WASF3: variants seen among roughly 807,000 people sequenced by gnomAD.
The protein encoded by WASF3 is actin-binding protein WASF3.
Under a neutral mutation model 46.6 loss-of-function variants are expected in WASF3, and 11 were observed. The ratio of observed to expected loss-of-function variants is 0.24; its 90% CI spans 0.15 to 0.39. The LOEUF (loss-of-function observed/expected upper bound fraction) is 0.39. Among genes scored for constraint, WASF3 ranks in the 10% least tolerant of loss-of-function variants. WASF3 has a pLI of 1.00. For missense variants in WASF3, 576 were observed against 669.8 expected (o/e 0.86, Z 1.55); for synonymous variants, 242 against 259.7 (o/e 0.93, Z 0.65).
At chr13:26,599,043 G>A (rs982564473) in intron 1 of WASF3, among the ~76,000 whole-genome samples, 3 of 151,936 alleles carry the variant, frequency 2.0e-5, no homozygotes, top group Admixed American at 6.5e-5. Flanking sequence ...GCTAATTTTT[G>A]TATTTTTAGT....
intron 1 of WASF3, among the ~76,000 whole-genome samples, chr13:26,608,444 T>G (rs1566049393): frequency 6.6e-6 from 1 of 152,234 alleles, no homozygotes; most frequent in East Asian, 1.9e-4. Context: ...GTTCAGTGAA[T>G]GTCAGCTAAC....
In WASF3 at chr13:26,609,824, A is replaced by G. The variant is rs114975920; in HGVS notation, c.-108-3137A>G. On this transcript the variant is annotated intron_variant, in intron 1 of 9. Transcript: ENST00000335327. ...TTTATTCAAATATTTGAGTGTCTAT[A>G]TGCTTTTCTTTGCAGTATTTCTTTT... 4.6e-3 allele frequency among the ~76,000 whole-genome samples: 693 copies of G among 152,262 alleles called. 4 individuals carry two copies. The highest frequency in any genetic ancestry group is 0.016 in the African/African-American group (653 of 41,538).
chr13:26,640,994 G>A (rs1881980987), intron 2 of WASF3: 1 of 152,234 alleles, frequency 6.6e-6, no homozygotes, highest in African/African-American at 2.4e-5. Context: ...CAGGCTGCCT[G>A]TGTTCTAGGA....
rs1200491209 is a variant in WASF3, at chr13:26,580,845, G to A, written c.-109+23026G>A. Among the ~76,000 whole-genome samples the A allele has an allele frequency of 6.6e-5, 10 of 151,230 alleles. 1 individual carries two copies. The highest frequency in any genetic ancestry group is 2.2e-4 in the African/African-American group (9 of 41,168). On this transcript the variant is annotated intron_variant, in intron 1 of 9. Coordinates refer to ENST00000335327, the MANE Select transcript of WASF3 (RefSeq NM_006646.6). ...TCTCCATGTTGGTCAGGTTGGTCTC[G>A]AGCTCCCGACCTCAGGTGATCTGCC...
chr13:26,651,433 A>G (rs1470753625), intron 3 of WASF3, among the ~76,000 whole-genome samples: 3 of 152,348 alleles, frequency 2.0e-5, no homozygotes, highest in South Asian at 2.1e-4. Flanking sequence ...GAAGGGAACA[A>G]TGTTAAGGAT....
rs1383071457 is a variant in WASF3, at chr13:26,682,262, G to A, written c.984-345G>A. Among the ~76,000 whole-genome samples the A allele has an allele frequency of 6.6e-6, 1 of 152,212 alleles. No homozygotes were observed. Among genetic ancestry groups the A allele is most frequent in the Non-Finnish European group, 1.5e-5 (1 of 68,038 alleles). ...CTTAGGACCCTTAAAAGACAAGTTT[G>A]TGAGCTACCGCCTTGAGATCCCAGT... On this transcript the variant is annotated intron_variant, in intron 8 of 9. Coordinates refer to ENST00000335327, the MANE Select transcript of WASF3 (RefSeq NM_006646.6). This position sits in a 1 kb window ranked among gnomAD's most constrained non-coding sequence, Gnocchi z 4.4.
chr13:26,612,400 A>G (rs1881006789), intron 1 of WASF3, among the ~76,000 whole-genome samples: 1 of 152,218 alleles, frequency 6.6e-6, no homozygotes, highest in Admixed American at 6.5e-5. Context: ...GCTCTGTAGC[A>G]TTGCTGTTAA....
intron 1 of WASF3, among the ~76,000 whole-genome samples, chr13:26,605,640 T>G (rs1024097596): frequency 6.6e-6 from 1 of 152,192 alleles, no homozygotes. Flanking sequence ...GGGATCAAAG[T>G]ATTAGGATCC....
intron 3 of WASF3, among the ~76,000 whole-genome samples, chr13:26,645,016 C>G (rs1465728433): frequency 2.0e-5 from 3 of 152,124 alleles, no homozygotes; most frequent in Non-Finnish European, 4.4e-5. Context: ...AAGAGCATTA[C>G]AGAAAGAGAA....
At chr13:26,629,985 A>T (rs1270052684) in intron 2 of WASF3, among the ~76,000 whole-genome samples, 5 of 151,750 alleles carry the variant, frequency 3.3e-5, no homozygotes, top group African/African-American at 1.2e-4. Flanking sequence ...CTTATTTTTT[A>T]AATTTTTCTT....
At chr13:26,578,396 C>A (rs536379216) in intron 1 of WASF3, among the ~76,000 whole-genome samples, 2 of 152,306 alleles carry the variant, frequency 1.3e-5, no homozygotes, top group African/African-American at 4.8e-5. Context: ...GTTCGTAATT[C>A]AGTCATGCCC....
chr13:26,613,855 C>A (rs1881053669), intron 2 of WASF3, among the ~76,000 whole-genome samples: 1 of 152,092 alleles, frequency 6.6e-6, no homozygotes, highest in South Asian at 2.1e-4. Flanking sequence ...GTGATAGTGG[C>A]TAAAATGAGG....
At chr13:26,544,743 G>A in the WASF3 span, among the ~76,000 whole-genome samples, 6 of 152,198 alleles carry the variant, frequency 3.9e-5, no homozygotes, top group Admixed American at 2.0e-4. Context: ...CGGCTACCAT[G>A]AGGACTGCAG....
At position 26,680,540 on chromosome 13, in the gene WASF3, TTTG is replaced by T. The variant is rs144692775; in HGVS notation, c.717-511_717-509del. Among the ~76,000 whole-genome samples, 137 of 152,344 alleles carry T rather than the reference TTTG, an allele frequency of 9.0e-4. 3 individuals carry two copies. In the East Asian group the frequency reaches 0.025, roughly 27 times the overall value. On this transcript the variant is annotated intron_variant, in intron 7 of 9. Coordinates refer to ENST00000335327, the MANE Select transcript of WASF3 (RefSeq NM_006646.6). Reference sequence around the variant, plus strand: ...GTGCACCGCATTGCTTTCTGCCCTTTTTGTTAAGTACATTTCTTCTGTTTAAGA... The same window carrying T: ...GTGCACCGCATTGCTTTCTGCCCTTTTTAAGTACATTTCTTCTGTTTAAGA...
intron 2 of WASF3, chr13:26,619,098 T>C (rs1881227284): frequency 6.6e-6 from 1 of 152,244 alleles, no homozygotes. Flanking sequence ...GTGCTCTGTT[T>C]ATTATATTCT....
chr13:26,562,022 T>C (rs1198415349), intron 1 of WASF3, among the ~76,000 whole-genome samples: 1 of 152,228 alleles, frequency 6.6e-6, no homozygotes, highest in Non-Finnish European at 1.5e-5. Flanking sequence ...TGTTAGGACA[T>C]TAAGTACTTA....
chr13:26,654,189 CTTCTTCTACCCTT>C (rs927038252), intron 3 of WASF3, among the ~76,000 whole-genome samples: 4 of 152,190 alleles, frequency 2.6e-5, no homozygotes, highest in Admixed American at 6.5e-5. Context: ...TCTCTGTCCT[CTTCTTCTACCCTT>C]TTCCCCATCA....
At chr13:26,570,880 C>T (rs1420648861) in intron 1 of WASF3, among the ~76,000 whole-genome samples, 1 of 152,138 alleles carries the variant, frequency 6.6e-6, no homozygotes, top group East Asian at 1.9e-4. Context: ...CTGCTGAATT[C>T]CCCTTCATAG....
chr13:26,641,569 G>C (rs980593115), intron 2 of WASF3, among the ~76,000 whole-genome samples: 1 of 152,282 alleles, frequency 6.6e-6, no homozygotes, highest in Middle Eastern at 3.4e-3. Flanking sequence ...AGGGGTTTAT[G>C]TAGCAGGAAG....
Sources: gnomAD v4.1 joint callset for allele counts (sites outside exome capture counted in the v4.1 genomes callset) on GRCh38, gnomAD v4.1.1 for gene constraint, Gnocchi (gnomAD v3.1) non-coding constraint, MANE v1.5 for transcripts, NCBI Gene and HGNC (gene_info 2026-07-23, HGNC 2026-07-21) for gene names.